Variants in MAP7 observed in about 807,000 individuals in gnomAD.
MAP7 encodes the protein ensconsin.
MAP7 carries 52 observed loss-of-function variants against 94.8 expected under a neutral mutation model. That is an observed-to-expected ratio of 0.55 (90% confidence interval 0.44 to 0.69). The LOEUF (loss-of-function observed/expected upper bound fraction) is 0.69, where lower values mean the gene tolerates loss of function less well. Ranked by LOEUF, MAP7 falls within the 30% of genes least tolerant of loss-of-function variation. The pLI is 0.00. For synonymous variants in MAP7, 350 were observed against 357.0 expected (o/e 0.98, Z 0.22); for missense variants, 940 against 964.6 (o/e 0.97, Z 0.34).
intron 1 of MAP7, among the ~76,000 whole-genome samples, chr6:136,483,122 T>A (rs1813435432): frequency 1.6e-5 from 2 of 125,124 alleles, no homozygotes; most frequent in Non-Finnish European, 1.6e-5. Context: ...AAAAGTGAAG[T>A]ATCTTTCAAA....
intron 3 of MAP7, among the ~76,000 whole-genome samples, chr6:136,402,000 G>A (rs527662363): frequency 7.2e-5 from 11 of 152,028 alleles, no homozygotes; most frequent in Admixed American, 3.3e-4. Context: ...AGTCATTGTC[G>A]TGCTTGAAAA....
chr6:136,532,328 A>G (rs1232207185), intron 1 of MAP7, among the ~76,000 whole-genome samples: 1 of 152,220 alleles, frequency 6.6e-6, no homozygotes, highest in Non-Finnish European at 1.5e-5. Context: ...ACACTTTCAG[A>G]AGAGAGTGAC....
intron 3 of MAP7, among the ~76,000 whole-genome samples, chr6:136,405,249 C>T (rs554497022): frequency 3.3e-5 from 5 of 152,222 alleles, no homozygotes; most frequent in East Asian, 1.9e-4. Context: ...GCTTATGTTC[C>T]GGGGCAGGGG....
intron 2 of MAP7, among the ~76,000 whole-genome samples, chr6:136,418,741 A>G (rs1027404640): frequency 3.3e-5 from 5 of 152,070 alleles, no homozygotes; most frequent in Non-Finnish European, 7.3e-5. Flanking sequence ...AAAATATATA[A>G]TGAACTTTTT....
At chr6:136,480,121 G>A (rs1051346534) in intron 1 of MAP7, among the ~76,000 whole-genome samples, 1 of 152,102 alleles carries the variant, frequency 6.6e-6, no homozygotes, top group African/African-American at 2.4e-5. Flanking sequence ...AACCAAAATA[G>A]CATGGTACTG....
intron 1 of MAP7, among the ~76,000 whole-genome samples, chr6:136,499,769 C>T (rs573568567): frequency 2.2e-4 from 33 of 152,172 alleles, no homozygotes; most frequent in Admixed American, 2.1e-3. Flanking sequence ...GAGGCCTAGG[C>T]AGGAGGATTG....
At chr6:136,383,879 T>C in intron 5 of MAP7, 98 bp from the exon 6 acceptor site, 1 of 722,070 alleles carries the variant, frequency 1.4e-6, no homozygotes, top group Non-Finnish European at 2.4e-6. Context: ...GGATGCTTTC[T>C]GCTCTATTTC....
At chr6:136,450,651 G>A (rs1047483689) in intron 1 of MAP7, among the ~76,000 whole-genome samples, 2 of 152,024 alleles carry the variant, frequency 1.3e-5, no homozygotes, top group East Asian at 3.9e-4. Flanking sequence ...AGGCATGGTG[G>A]CTCACGCCTG....
intron 16 of MAP7, among the ~76,000 whole-genome samples, chr6:136,351,305 C>A (rs1390271677): frequency 6.6e-6 from 1 of 151,694 alleles, no homozygotes; most frequent in Non-Finnish European, 1.5e-5. Context: ...AGATGGGATA[C>A]CAGGAACAAA....
At chr6:136,495,471 CACACACACACACATAA>C (rs2128998284) in intron 1 of MAP7, among the ~76,000 whole-genome samples, 1 of 152,118 alleles carries the variant, frequency 6.6e-6, no homozygotes, top group East Asian at 1.9e-4. Context: ...CACACACACA[CACACACACACACATAA>C]ACACACACAC....
intron 16 of MAP7, among the ~76,000 whole-genome samples, 159 bp downstream of exon 16, chr6:136,356,533 T>C (rs1321625373): frequency 2.0e-5 from 3 of 151,936 alleles, no homozygotes; most frequent in South Asian, 2.1e-4. Context: ...AGAAAAAAGA[T>C]ATTTCCACTT....
At chr6:136,445,119 T>C (rs1798945867) in intron 1 of MAP7, among the ~76,000 whole-genome samples, 1 of 152,188 alleles carries the variant, frequency 6.6e-6, no homozygotes. Context: ...CAATTTGGCA[T>C]ATTTATTATT....
intron 1 of MAP7, among the ~76,000 whole-genome samples, chr6:136,486,198 T>C (rs3799442): frequency 0.08 from 12,237 of 152,180 alleles, 1,110 homozygotes; most frequent in African/African-American, 0.22. Context: ...TATATTTAAA[T>C]AAAAGTGATG....
At chr6:136,426,913 C>T (rs1268151465) in intron 1 of MAP7, among the ~76,000 whole-genome samples, 1 of 152,106 alleles carries the variant, frequency 6.6e-6, no homozygotes, top group African/African-American at 2.4e-5. Flanking sequence ...GTCTAACAAG[C>T]CTGCTGGAAA....
At chr6:136,444,725 T>C (rs1257034651) in intron 1 of MAP7, among the ~76,000 whole-genome samples, 2 of 152,236 alleles carry the variant, frequency 1.3e-5, no homozygotes, top group African/African-American at 4.8e-5. Flanking sequence ...TATGAACTAA[T>C]AATTTAAACA....
intron 15 of MAP7, among the ~76,000 whole-genome samples, chr6:136,358,644 A>G (rs1338126626): frequency 1.3e-5 from 2 of 152,240 alleles, no homozygotes; most frequent in Non-Finnish European, 2.9e-5. Context: ...GTTCTGTCAC[A>G]TAAACCGTTG....
intron 1 of MAP7, among the ~76,000 whole-genome samples, chr6:136,541,694 C>G (rs779278095): frequency 3.1e-4 from 47 of 152,156 alleles, no homozygotes; most frequent in Admixed American, 5.2e-4. Context: ...TCTATAGGAG[C>G]ATCAAGGATG....
At chr6:136,376,772 T>C (rs1054871280) in intron 7 of MAP7, among the ~76,000 whole-genome samples, 1 of 152,216 alleles carries the variant, frequency 6.6e-6, no homozygotes, top group African/African-American at 2.4e-5. Context: ...TTCGTGACTG[T>C]CTCCCAGGGG....
rs533406243 is a variant in MAP7, at chr6:136,537,777, C to T, written c.67+12565G>A. On this transcript the variant is annotated intron_variant, in intron 1 of 17. Coordinates refer to ENST00000354570, the MANE Select transcript of MAP7 (RefSeq NM_003980.6). The stretch of plus-strand genomic sequence containing the variant: ...AGGAAATGACATATTTTCAGATTTA[C>T]GAAGTTATGAATTTTTTTTTTTTTT... Among the ~76,000 whole-genome samples, 29 of 151,338 alleles carry T rather than the reference C, an allele frequency of 1.9e-4. No individual in the cohort carries two copies. The South Asian group carries it at 2.3e-3, about 12-fold the overall frequency.
Sources: allele counts gnomAD v4.1 joint callset (sites outside exome capture counted in the v4.1 genomes callset), GRCh38; gene constraint gnomAD v4.1.1; transcripts MANE v1.5; gene names NCBI Gene and HGNC (gene_info 2026-07-23, HGNC 2026-07-21).